VWCE: variants seen among roughly 807,000 people sequenced by gnomAD.
The protein encoded by VWCE is von Willebrand factor C and EGF domains, also known as von Willebrand factor C and EGF domain-containing protein.
Under a neutral mutation model 102.9 loss-of-function variants are expected in VWCE, and 68 were observed. That is an observed-to-expected ratio of 0.66 (90% CI 0.54 to 0.81). VWCE has a LOEUF of 0.81. VWCE is among the 30% of genes least tolerant of loss of function. The pLI is 0.00. For missense variants in VWCE, 1,137 were observed against 1,263.6 expected, an observed-to-expected ratio of 0.90 and a Z score of 1.52; for synonymous variants, 497 against 515.4, an observed-to-expected ratio of 0.96 and a Z score of 0.48.
intron 12 of VWCE, chr11:61,273,586 C>T (rs536361172): frequency 2.3e-4 from 108 of 471,068 alleles, no homozygotes; most frequent in Middle Eastern, 5.5e-4. Context: ...TCTCACCCTC[C>T]CGCTTCCATC....
intron 10 of VWCE, 152 bp downstream of exon 10, chr11:61,278,242 A>T (rs1854990225): frequency 1.2e-6 from 1 of 820,396 alleles, no homozygotes. Flanking sequence ...CCCCCTTTTA[A>T]ATTCTACAGC....
intron 7 of VWCE, 105 bp downstream of exon 7, chr11:61,281,681 G>T: frequency 7.1e-7 from 1 of 1,399,388 alleles, no homozygotes. Context: ...GTGGCTGGGC[G>T]CCGGGAGGGC....
rs1471371542 is a variant in VWCE, at chr11:61,294,617, C to T, written c.110+311G>A. On this transcript the variant is annotated intron_variant, in intron 1 of 19. Transcript: ENST00000335613. This position sits in a 1 kb window ranked among gnomAD's most constrained non-coding sequence, Gnocchi z 6.3. ...GCCAGCCAGTCCGGAGACCAGATGG[C>T]ACGTCCTGGGCTCCCCTCTCCAGAG... Among the ~76,000 whole-genome samples, 1 of 152,130 alleles carries T rather than the reference C, an allele frequency of 6.6e-6. No homozygotes were observed. Among genetic ancestry groups the T allele is most frequent in the African/African-American group, 2.4e-5 (1 of 41,436 alleles).
In VWCE at chr11:61,259,018, G is replaced by C. The variant is rs3750982; in HGVS notation, c.2525C>G (p.Pro842Arg). 1.2e-6 allele frequency: 2 copies of C among 1,613,872 alleles called. No individual in the cohort carries two copies. Among genetic ancestry groups the C allele is most frequent in the East Asian group, 4.5e-5 (2 of 44,874 alleles). The change falls in exon 20 of 20, where the codon CCT (proline) becomes CGT (arginine). Residue 842 changes from proline to arginine, a missense_variant. Physicochemically the swap from Pro to Arg is moderately radical, Grantham distance 103. This residue lies in a region of VWCE where 316 missense variants were observed against 319.3 expected (regional missense o/e 0.99). Transcript: ENST00000335613. ...ATFPGEPGAS[P>R]RLSPGPSTPP... Reference sequence around the variant, plus strand: ...GGTCGAAGGCCCTGGTGAGAGTCGAGGGGAGGCCCCAGGCTCCCCTGGGAA... The same window carrying C: ...GGTCGAAGGCCCTGGTGAGAGTCGACGGGAGGCCCCAGGCTCCCCTGGGAA...
intron 4 of VWCE, among the ~76,000 whole-genome samples, chr11:61,286,736 G>T (rs936850967): frequency 3.3e-5 from 5 of 151,952 alleles, no homozygotes; most frequent in Non-Finnish European, 7.4e-5. Flanking sequence ...AGGAGGCGGA[G>T]GTTGCGGTGA....
At chr11:61,291,422 G>A (rs1319633037) in intron 2 of VWCE, 60 bp downstream of exon 2, 2 of 1,571,820 alleles carry the variant, frequency 1.3e-6, no homozygotes, top group Non-Finnish European at 1.7e-6. Context: ...ACCAGGGACT[G>A]AGGGCTGGCA....
At chr11:61,284,961 AAAG>A (rs1003102241) in intron 5 of VWCE, among the ~76,000 whole-genome samples, 12 of 152,004 alleles carry the variant, frequency 7.9e-5, no homozygotes, top group Non-Finnish European at 1.0e-4. Context: ...CAAAAAAAAA[AAAG>A]AAGAAGAAGA....
At chr11:61,267,610 C>A in intron 15 of VWCE, 66 bp from the exon 16 acceptor site, 1 of 1,504,058 alleles carries the variant, frequency 6.6e-7, no homozygotes, top group Non-Finnish European at 9.2e-7. Context: ...CCCGCCAGGG[C>A]CAAGGTCACA....
intron 18 of VWCE, 74 bp downstream of exon 18, chr11:61,264,882 T>C (rs1184261570): frequency 3.3e-6 from 5 of 1,507,852 alleles, no homozygotes; most frequent in South Asian, 2.3e-5. Context: ...AAGGGCTCCA[T>C]GTTTTGCAAA....
intron 1 of VWCE, 125 bp from the exon 2 acceptor site, chr11:61,291,701 A>C: frequency 1.2e-6 from 1 of 802,340 alleles, no homozygotes. Context: ...TGGAGGGGCA[A>C]TGGGAAGTTT....
chr11:61,291,558 G>C lies in VWCE; in HGVS notation c.129C>G (p.His43Gln). 3 of 1,453,510 alleles carry C rather than the reference G, an allele frequency of 2.1e-6. No homozygotes were observed. Among genetic ancestry groups the C allele is most frequent in the Non-Finnish European group, 2.7e-6 (3 of 1,097,594 alleles). The allele number at this position is 1,453,510 out of a possible 1,614,324, so 90.0% of individuals were successfully genotyped here. ...FAAERRRLGPHVCLSGFGSGC... is the reference protein window; with the variant it reads ...FAAERRRLGPQVCLSGFGSGC... ...CACTCCCAAACCCAGAGAGGCAGACGTGGGGGCCCAGTCGGCGTCTGCAAG... is the reference window on the plus strand; with the variant it reads ...CACTCCCAAACCCAGAGAGGCAGACCTGGGGGCCCAGTCGGCGTCTGCAAG... The change falls in exon 2 of 20, where the codon CAC becomes CAG. Residue 43 changes from histidine (H) to glutamine (Q), a missense_variant. Around this residue, in one of 5 missense-constraint regions of VWCE, gnomAD observed 575 missense variants for 625.9 expected, o/e 0.92. Coordinates refer to ENST00000335613, the MANE Select transcript of VWCE (RefSeq NM_152718.2).
chr11:61,293,792 G>A (rs959792318), intron 1 of VWCE, among the ~76,000 whole-genome samples: 4 of 152,176 alleles, frequency 2.6e-5, no homozygotes, highest in African/African-American at 9.7e-5. Context: ...CAAGTATTCC[G>A]GAAAGGGAAG....
intron 2 of VWCE, 48 bp downstream of exon 2, chr11:61,291,434 C>A (rs557419745): frequency 4.5e-6 from 7 of 1,566,272 alleles, no homozygotes; most frequent in South Asian, 1.2e-5. Flanking sequence ...GGGCTGGCAA[C>A]ACACACTGCT....
In VWCE at chr11:61,291,244, C is replaced by A; in HGVS notation, c.295+20G>T. On this transcript the variant is annotated intron_variant, in intron 3 of 19. Coordinates refer to ENST00000335613, the MANE Select transcript of VWCE (RefSeq NM_152718.2). ...TGCTCATTCATCTGTTCCCATCAGC[C>A]CCTTCCCATCCCCAGTTACCTGGGC... 1 of 1,556,338 alleles carries A rather than the reference C, an allele frequency of 6.4e-7. No homozygotes were observed.
chr11:61,277,139 AAG>A (rs1294599922), intron 10 of VWCE, among the ~76,000 whole-genome samples: 1 of 143,374 alleles, frequency 7.0e-6, no homozygotes, highest in East Asian at 2.2e-4. Flanking sequence ...AAAGAGAAGA[AAG>A]AAACAAGAAA....
chr11:61,268,632 A>G (rs1401021770), intron 15 of VWCE, among the ~76,000 whole-genome samples: 1 of 152,266 alleles, frequency 6.6e-6, no homozygotes, highest in African/African-American at 2.4e-5. Context: ...ATTAAAAGGC[A>G]AAAATGACTG....
intron 16 of VWCE, among the ~76,000 whole-genome samples, chr11:61,267,066 T>G (rs567072967): frequency 6.6e-6 from 1 of 152,328 alleles, no homozygotes; most frequent in East Asian, 1.9e-4. Context: ...AGGAACGGCC[T>G]GGCCAACATG....
chr11:61,290,695 C>G, intron 4 of VWCE, 104 bp downstream of exon 4: 1 of 1,359,440 alleles, frequency 7.4e-7, no homozygotes, highest in Non-Finnish European at 9.8e-7. Flanking sequence ...TATCTTGGCT[C>G]AGCTTAGCCT....
intron 16 of VWCE, among the ~76,000 whole-genome samples, chr11:61,266,303 G>A (rs769746529): frequency 5.9e-5 from 9 of 152,112 alleles, no homozygotes; most frequent in Non-Finnish European, 8.8e-5. Context: ...ACCTTGGGAG[G>A]CCAAGGTGCG....
Sources: gnomAD v4.1 joint callset for allele counts (sites outside exome capture counted in the v4.1 genomes callset) on GRCh38, gnomAD v4.1.1 for gene constraint, gnomAD v4.1.1 regional missense constraint, Gnocchi (gnomAD v3.1) non-coding constraint, MANE v1.5 for transcripts, NCBI Gene and HGNC (gene_info 2026-07-23, HGNC 2026-07-21) for gene names.